Variants in MYBPC1 observed in about 807,000 individuals in gnomAD.
MYBPC1 encodes the protein myosin-binding protein C, slow-type.
A neutral mutation model predicts 147.1 loss-of-function variants in MYBPC1; 52 were observed. That is an observed-to-expected ratio of 0.35 (90% confidence interval 0.28 to 0.45). The LOEUF (loss-of-function observed/expected upper bound fraction) is 0.45. MYBPC1 is among the 20% of genes least tolerant of loss of function. MYBPC1 has a pLI of 1.00. For synonymous variants in MYBPC1, 477 were observed against 475.9 expected (o/e 1.00, Z -0.03); for missense variants, 1,228 against 1,440.3 (o/e 0.85, Z 2.39).
At chr12:101,647,987 G>T in intron 13 of MYBPC1, 58 bp from the exon 14 acceptor site, 1 of 1,372,058 alleles carries the variant, frequency 7.3e-7, no homozygotes, top group Non-Finnish European at 1.0e-6. Flanking sequence ...AGAAATCAGG[G>T]CTCATGGGAT....
At position 101,661,262 on chromosome 12, in the gene MYBPC1, G is replaced by T; in HGVS notation, c.2032G>T (p.Gly678Ter). The T allele has an allele frequency of 1.2e-6, 2 of 1,600,884 alleles. No individual in the cohort carries two copies. The highest frequency in any genetic ancestry group is 2.2e-5 in the South Asian group (2 of 90,536). Residue 678 changes from glycine (G) to a stop codon, truncating the protein, a stop_gained and splice_region_variant, in exon 20 of 32, where the codon GGA (glycine) becomes TGA (stop). Coordinates refer to ENST00000361466, the MANE Select transcript of MYBPC1 (RefSeq NM_002465.4). LOFTEE classifies it high-confidence loss of function. ...PAYDGGSPIL[G>*]YFIERKKKQS... is the part of the protein sequence containing the mutation. ...CTACGACGGAGGCTCTCCAATCCTA[G>T]GTAACTGCATGTTGGTTAGTCTGTG... is the stretch of plus-strand genomic sequence containing the variant.
At chr12:101,621,834 T>C (rs973731422) in intron 3 of MYBPC1, among the ~76,000 whole-genome samples, 1 of 152,212 alleles carries the variant, frequency 6.6e-6, no homozygotes, top group Non-Finnish European at 1.5e-5. Context: ...CTCTCACTCA[T>C]ATTACGAAGT....
intron 3 of MYBPC1, among the ~76,000 whole-genome samples, chr12:101,622,765 AGAAAG>A (rs1185861145): frequency 6.6e-6 from 1 of 152,046 alleles, no homozygotes; most frequent in Non-Finnish European, 1.5e-5. Context: ...TAAAAATAAA[AGAAAG>A]GAAACAGTAA....
At chr12:101,688,237 G>C (rs531027262), downstream of MYBPC1, among the ~76,000 whole-genome samples, 28 of 152,156 alleles carry the variant, frequency 1.8e-4, no homozygotes, top group Non-Finnish European at 3.7e-4. Context: ...TATGCAGCAT[G>C]GTGAAGCCTT....
rs141829314 is a variant in MYBPC1 at position 101,651,704 on chromosome 12, G to T, written c.1526+311G>T. On this transcript the variant is annotated intron_variant, in intron 16 of 31. Transcript: ENST00000361466. ...GCCTGTAATCCCAACACTTTGGGAC[G>T]CCAAGGCAGACGGATCAATTGAGCT... Among the ~76,000 whole-genome samples, 18 of 152,238 alleles carry T rather than the reference G, an allele frequency of 1.2e-4. No homozygotes were observed. In the East Asian group the frequency reaches 3.5e-3, roughly 29 times the overall value.
At position 101,637,050 on chromosome 12, in the gene MYBPC1, T is replaced by C. The variant is rs1265665641; in HGVS notation, c.665+322T>C. The stretch of plus-strand genomic sequence containing the variant: ...GAAACCTCTAAGACTGCACATATGA[T>C]TTGGTAGAAGTCTGAAGGTATACAC... On this transcript the variant is annotated intron_variant, in intron 10 of 31. Coordinates refer to ENST00000361466, the MANE Select transcript of MYBPC1 (RefSeq NM_002465.4). 1.0e-5 allele frequency: 3 copies of C among 293,656 alleles called. No homozygotes were observed. The East Asian group carries it at 2.5e-4, about 25-fold the overall frequency. The allele number at this position is 293,656 out of a possible 1,614,324, so 18.2% of individuals were successfully genotyped here.
rs765344589 is a variant in MYBPC1, at chr12:101,653,095, G to T, written c.1634-20G>T. ...ACAGAAATGACTGTCTGATAACAAAGACTATGCTTAATATTCTAGATCCTC... is the reference window on the plus strand; with the variant it reads ...ACAGAAATGACTGTCTGATAACAAATACTATGCTTAATATTCTAGATCCTC... On this transcript the variant is annotated intron_variant, in intron 17 of 31. Transcript: ENST00000361466. 6.2e-7 allele frequency: 1 copy of T among 1,602,950 alleles called. No individual in the cohort carries two copies. The highest frequency in any genetic ancestry group is 8.5e-7 in the Non-Finnish European group (1 of 1,173,478).
At chr12:101,624,551 G>C (rs1440965454) in intron 3 of MYBPC1, among the ~76,000 whole-genome samples, 2 of 152,022 alleles carry the variant, frequency 1.3e-5, no homozygotes. Context: ...ACAGTGGCGT[G>C]ATGATGGCTC....
intron 12 of MYBPC1, among the ~76,000 whole-genome samples, chr12:101,646,452 T>C (rs1052479350): frequency 2.0e-5 from 3 of 152,082 alleles, no homozygotes; most frequent in Non-Finnish European, 2.9e-5. Flanking sequence ...GAGACAAACC[T>C]GGGCAAGATG....
intron 14 of MYBPC1, 107 bp downstream of exon 14, chr12:101,648,257 T>G: frequency 1.3e-6 from 1 of 760,760 alleles, no homozygotes; most frequent in African/African-American, 1.7e-5. Flanking sequence ...TTGAAAACAA[T>G]CTCCACCTCA....
chr12:101,641,022 G>A (rs938071303), intron 10 of MYBPC1, among the ~76,000 whole-genome samples: 1 of 148,018 alleles, frequency 6.8e-6, no homozygotes, highest in African/African-American at 2.5e-5. Flanking sequence ...TGAGGCAGGA[G>A]AATCGTTAGA....
chr12:101,639,709 C>T (rs1593831662), intron 10 of MYBPC1, among the ~76,000 whole-genome samples: 1 of 152,118 alleles, frequency 6.6e-6, no homozygotes, highest in African/African-American at 2.4e-5. Flanking sequence ...TGGTTTCCTT[C>T]ATATAAATAT....
rs1900220247 is a variant in MYBPC1, at chr12:101,677,296, T to C, written c.3011T>C (p.Ile1004Thr). The C allele has an allele frequency of 6.2e-7, 1 of 1,613,768 alleles. No homozygotes were observed. The stretch of plus-strand genomic sequence containing the variant: ...AGTGCCACCATTACTGAATTGGTCA[T>C]AGGGAATGAATATTACTTCCGGGTC... ...RTSATITELV[I>T]GNEYYFRVFS... Residue 1004 changes from isoleucine (I) to threonine (T), a missense_variant, in exon 27 of 32, where the codon ATA becomes ACA. Ile to Thr is a moderately conservative substitution (Grantham distance 89, BLOSUM62 -1). This residue lies in a region of MYBPC1 where 1,077 missense variants were observed against 1,314.2 expected (regional missense o/e 0.82). Transcript: ENST00000361466.
intron 18 of MYBPC1, among the ~76,000 whole-genome samples, chr12:101,653,961 T>C (rs1395512697): frequency 6.6e-6 from 1 of 152,160 alleles, no homozygotes; most frequent in Admixed American, 6.5e-5. Context: ...CCCAGCACTT[T>C]GGGAGCTGGG....
At chr12:101,690,878 C>T (rs975861735), downstream of MYBPC1, among the ~76,000 whole-genome samples, 1 of 152,128 alleles carries the variant, frequency 6.6e-6, no homozygotes. Flanking sequence ...AAAATTTAGA[C>T]TTTAGAGTCT....
rs529312783 is a variant in MYBPC1 at position 101,597,476 on chromosome 12, C to T, written c.25+2381C>T. On this transcript the variant is annotated intron_variant, in intron 1 of 31. Transcript: ENST00000361466. ...ACCTGAAGGTACAAAAAATGTCTCACTCAACTACTTCCCAGCCTACCGTGG... is the reference window on the plus strand; with the variant it reads ...ACCTGAAGGTACAAAAAATGTCTCATTCAACTACTTCCCAGCCTACCGTGG... Among the ~76,000 whole-genome samples, 82 of 152,298 alleles carry T rather than the reference C, an allele frequency of 5.4e-4. No homozygotes were observed. The South Asian group carries it at 0.015, about 28-fold the overall frequency.
chr12:101,614,569 A>G, intron 2 of MYBPC1, 38 bp downstream of exon 2: 1 of 1,608,300 alleles, frequency 6.2e-7, no homozygotes. Context: ...TTTGGGCTGC[A>G]AATACAGAGG....
chr12:101,614,546 T>C lies in MYBPC1; in HGVS notation c.61+15T>C. Reference sequence around the variant, plus strand: ...ACCCCCGGAAGGTGAGTAAAAACACTCACTCACACACGTTTGGGCTGCAAA... The same window carrying C: ...ACCCCCGGAAGGTGAGTAAAAACACCCACTCACACACGTTTGGGCTGCAAA... On this transcript the variant is annotated intron_variant, in intron 2 of 31. Coordinates refer to ENST00000361466, the MANE Select transcript of MYBPC1 (RefSeq NM_002465.4). The C allele has an allele frequency of 6.2e-7, 1 of 1,612,984 alleles. No homozygotes were observed. The highest frequency in any genetic ancestry group is 1.1e-5 in the South Asian group (1 of 90,930).
chr12:101,659,599 A>C (rs1896178348), intron 18 of MYBPC1, 73 bp from the exon 19 acceptor site: 2 of 1,529,728 alleles, frequency 1.3e-6, no homozygotes, highest in Non-Finnish European at 1.8e-6. Flanking sequence ...TGAATTGCTC[A>C]ATTTATAGGA....
Sources: allele counts gnomAD v4.1 joint callset (sites outside exome capture counted in the v4.1 genomes callset), GRCh38; gene constraint gnomAD v4.1.1; regional missense constraint gnomAD v4.1.1; transcripts MANE v1.5; gene names NCBI Gene and HGNC (gene_info 2026-07-23, HGNC 2026-07-21).